MYO15A: variants seen among roughly 807,000 people sequenced by gnomAD.
MYO15A encodes the protein myosin XVA, also known as unconventional myosin-XV.
In MYO15A, 308 loss-of-function variants were observed where a neutral mutation model predicts 394.6. The observed-to-expected ratio is 0.78, with a 90% confidence interval of 0.71 to 0.86. The LOEUF is 0.86. Ranked by LOEUF, MYO15A falls within the 40% of genes least tolerant of loss-of-function variation. The pLI is 0.00. For missense variants in MYO15A, 4,606 were observed against 4,799.1 expected, an observed-to-expected ratio of 0.96 and a Z score of 1.19; for synonymous variants, 1,957 against 2,003.8, an observed-to-expected ratio of 0.98 and a Z score of 0.62.
intron 1 of MYO15A, among the ~76,000 whole-genome samples, chr17:18,111,686 T>A (rs1172786599): frequency 6.6e-6 from 1 of 152,206 alleles, no homozygotes; most frequent in East Asian, 1.9e-4. Context: ...TGGGCAGGAC[T>A]TGCTGCCAGC....
At chr17:18,159,893 C>G (rs1249836779) in intron 55 of MYO15A, 42 bp from the exon 56 acceptor site, 6 of 1,603,164 alleles carry the variant, frequency 3.7e-6, no homozygotes, top group Admixed American at 3.4e-5. Context: ...TGACATAGCC[C>G]CTCACATGTC....
chr17:18,164,309 C>T (rs2046818785), intron 60 of MYO15A: 1 of 233,604 alleles, frequency 4.3e-6, no homozygotes, highest in African/African-American at 2.3e-5. Flanking sequence ...TCATGCATCC[C>T]AAAGCCCCTT....
Position 18,120,965 on chromosome 17 carries a change from T to C in MYO15A, c.2165T>C (p.Val722Ala). The stretch of plus-strand genomic sequence containing the variant: ...CCGCAGGCCAGCTGGTGGGCCTTCG[T>C]GGAGCCCCCTGCCGTGAGCCCGGAG... ...PAPQASWWAF[V>A]EPPAVSPEVP... Residue 722 changes from valine (V) to alanine (A), a missense_variant, in exon 2 of 66, where the codon GTG (valine) becomes GCG (alanine). This residue lies in a region of MYO15A where 1,830 missense variants were observed against 1,689.7 expected (regional missense o/e 1.08). Transcript: ENST00000647165. The C allele has an allele frequency of 6.7e-7, 1 of 1,487,074 alleles. No individual in the cohort carries two copies. Among genetic ancestry groups the C allele is most frequent in the Admixed American group, 2.2e-5 (1 of 45,610 alleles). The allele number at this position is 1,487,074 out of a possible 1,614,324, so 92.1% of individuals were successfully genotyped here.
rs200780438 is a variant in MYO15A at position 18,121,927 on chromosome 17, G to A, written c.3127G>A (p.Asp1043Asn). 69 of 1,613,116 alleles carry A rather than the reference G, an allele frequency of 4.3e-5. No homozygotes were observed. Among genetic ancestry groups the A allele is most frequent in the Non-Finnish European group, 5.6e-5 (66 of 1,179,888 alleles). The change falls in exon 2 of 66, where the codon GAT becomes AAT. Residue 1043 changes from aspartate (D) to asparagine (N), a missense_variant. Asp to Asn is a conservative substitution (Grantham distance 23). Around this residue, in one of 2 missense-constraint regions of MYO15A, gnomAD observed 1,830 missense variants for 1,689.7 expected, o/e 1.08. Coordinates refer to ENST00000647165, the MANE Select transcript of MYO15A (RefSeq NM_016239.4). The surrounding 1 kb of genome is among the most constrained non-coding windows in gnomAD (Gnocchi z 5.3). ...TCCCAAGGATGTCACTCCCCCCAAGGATATCACTCCCCCCAAGGATGTCCT... is the reference window on the plus strand; with the variant it reads ...TCCCAAGGATGTCACTCCCCCCAAGAATATCACTCCCCCCAAGGATGTCCT... ...APPKDVTPPKDITPPKDVLPE... is the reference protein window; with the variant it reads ...APPKDVTPPKNITPPKDVLPE...
chr17:18,138,096 T>C lies in MYO15A; in HGVS notation c.4876-19T>C, dbSNP rs780331803. On this transcript the variant is annotated intron_variant, in intron 16 of 65. Coordinates refer to ENST00000647165, the MANE Select transcript of MYO15A (RefSeq NM_016239.4). ...GGACAGGGATGGGAGGTTGAGCTCC[T>C]GCTGCCCACTGCCTGCAGGAGGAGT... 6 of 1,607,068 alleles carry C rather than the reference T, an allele frequency of 3.7e-6. No homozygotes were observed. The highest frequency in any genetic ancestry group is 5.1e-6 in the Non-Finnish European group (6 of 1,179,982).
chr17:18,112,976 T>C (rs962579523), intron 1 of MYO15A, among the ~76,000 whole-genome samples: 1 of 152,026 alleles, frequency 6.6e-6, no homozygotes, highest in African/African-American at 2.4e-5. Flanking sequence ...GCCTCCCAAG[T>C]AGCTAGGACT....
At chr17:18,173,452 T>G in intron 64 of MYO15A, 2 of 360,906 alleles carry the variant, frequency 5.5e-6, no homozygotes, top group South Asian at 2.5e-5. Context: ...AAAAAAGAGG[T>G]GGAGGTGTTC....
Position 18,121,405 on chromosome 17 carries a change from C to A in MYO15A, c.2605C>A (p.Pro869Thr), listed in dbSNP as rs1056944837. ...RSSLNLPSRL[P>T]HTWRRLSEPP... Reference sequence around the variant, plus strand: ...CTCCCTGAATCTGCCCTCGCGCCTCCCGCACACGTGGCGGCGCCTCAGCGA... The same window carrying A: ...CTCCCTGAATCTGCCCTCGCGCCTCACGCACACGTGGCGGCGCCTCAGCGA... Residue 869 changes from proline (P) to threonine (T), a missense_variant, in exon 2 of 66, where the codon CCG becomes ACG. By Grantham distance (38) the Pro-to-Thr change is conservative. Transcript: ENST00000647165. This position sits in a 1 kb window ranked among gnomAD's most constrained non-coding sequence, Gnocchi z 5.3. The A allele has an allele frequency of 6.5e-7, 1 of 1,539,370 alleles. No homozygotes were observed.
intron 7 of MYO15A, among the ~76,000 whole-genome samples, chr17:18,128,285 G>A (rs2046089995): frequency 6.6e-6 from 1 of 152,124 alleles, no homozygotes; most frequent in African/African-American, 2.4e-5. Flanking sequence ...GGAGGTGATG[G>A]ATGCACCACC....
rs1483854345 is a variant in MYO15A, at chr17:18,117,384, T to A, written c.-219-1198T>A. ...TGTCCCTGTTTCACAGCTGAGCACGTTGAGGCTCTGAAGCCACTGATCTGA... is the reference window on the plus strand; with the variant it reads ...TGTCCCTGTTTCACAGCTGAGCACGATGAGGCTCTGAAGCCACTGATCTGA... On this transcript the variant is annotated intron_variant, in intron 1 of 65. Coordinates refer to ENST00000647165, the MANE Select transcript of MYO15A (RefSeq NM_016239.4). The surrounding 1 kb of genome is among the most constrained non-coding windows in gnomAD (Gnocchi z 4.1). Among the ~76,000 whole-genome samples the A allele has an allele frequency of 6.6e-6, 1 of 152,244 alleles. No individual in the cohort carries two copies. The highest frequency in any genetic ancestry group is 1.5e-5 in the Non-Finnish European group (1 of 68,038).
chr17:18,159,553 G>A, intron 54 of MYO15A, 53 bp from the exon 55 acceptor site: 1 of 1,599,018 alleles, frequency 6.3e-7, no homozygotes, highest in East Asian at 2.2e-5. Flanking sequence ...TTCCTGGGGT[G>A]GGTGGGCAAC....
At chr17:18,127,832 A>AAG (rs1555541552) in intron 7 of MYO15A, among the ~76,000 whole-genome samples, 5 of 40,580 alleles carry the variant, frequency 1.2e-4, no homozygotes, top group African/African-American at 3.7e-4. Flanking sequence ...AAGAAAAAAA[A>AAG]AGATATATAT....
At chr17:18,162,715 G>A (rs1230452809) in intron 58 of MYO15A, 36 bp downstream of exon 58, 1 of 1,605,096 alleles carries the variant, frequency 6.2e-7, no homozygotes. Context: ...AAAATGAATG[G>A]GAGGCTGGGC....
In MYO15A at chr17:18,172,467, G is replaced by A. The variant is rs529174400; in HGVS notation, c.10350+177G>A. 9.1e-5 allele frequency: 92 copies of A among 1,014,096 alleles called. 1 individual carries two copies. In the South Asian group the frequency reaches 1.2e-3, roughly 14 times the overall value. The allele number at this position is 1,014,096 out of a possible 1,614,324, so 62.8% of individuals were successfully genotyped here. A position where few individuals can be genotyped will look rare whatever the true frequency, so the allele number is the denominator to read the frequency against. ...TTGCTTTCCTCATCTGGAAAATGAGGATAAGAGTTGAGCCCCACCCATAGG... is the reference window on the plus strand; with the variant it reads ...TTGCTTTCCTCATCTGGAAAATGAGAATAAGAGTTGAGCCCCACCCATAGG... On this transcript the variant is annotated intron_variant, in intron 64 of 65. Transcript: ENST00000647165.
At chr17:18,141,374 G>A (rs759905897) in intron 22 of MYO15A, among the ~76,000 whole-genome samples, 5 of 152,242 alleles carry the variant, frequency 3.3e-5, no homozygotes, top group African/African-American at 7.2e-5. Flanking sequence ...AACGCTCCGC[G>A]TTATTAGAAT....
At position 18,151,194 on chromosome 17, in the gene MYO15A, C is replaced by A; in HGVS notation, c.7558C>A (p.Pro2520Thr). Residue 2520 changes from proline to threonine, a missense_variant, in exon 39 of 66, where the codon CCC becomes ACC. Physicochemically the swap from Pro to Thr is conservative, Grantham distance 38. Around this residue, in one of 2 missense-constraint regions of MYO15A, gnomAD observed 2,776 missense variants for 3,109.3 expected, o/e 0.89. Transcript: ENST00000647165. The part of the protein sequence containing the change: ...KPVLLRATPK[P>T]LAPAPLAKAP... Reference sequence around the variant, plus strand: ...CGTGCTCCTGCGTGCCACTCCAAAGCCCTTGGCCCCAGCCCCTCTGGCCAA... The same window carrying A: ...CGTGCTCCTGCGTGCCACTCCAAAGACCTTGGCCCCAGCCCCTCTGGCCAA... 3 of 1,614,116 alleles carry A rather than the reference C, an allele frequency of 1.9e-6. No homozygotes were observed. The highest frequency in any genetic ancestry group is 2.5e-6 in the Non-Finnish European group (3 of 1,180,028).
chr17:18,126,948 T>C, intron 6 of MYO15A, 83 bp downstream of exon 6: 1 of 1,596,806 alleles, frequency 6.3e-7, no homozygotes, highest in South Asian at 1.1e-5. Flanking sequence ...CTGTGGGACC[T>C]TGGAAGATTG....
Position 18,138,108 on chromosome 17 carries a change from C to T in MYO15A, c.4876-7C>T. The T allele has an allele frequency of 6.2e-7, 1 of 1,609,634 alleles. No homozygotes were observed. ...GAGGTTGAGCTCCTGCTGCCCACTG[C>T]CTGCAGGAGGAGTACATCCGTGAGC... On this transcript the variant is annotated splice_region_variant and splice_polypyrimidine_tract_variant and intron_variant, in intron 16 of 65. Transcript: ENST00000647165.
intron 1 of MYO15A, among the ~76,000 whole-genome samples, chr17:18,113,835 C>CACACACACAA (rs1340766492): frequency 6.8e-4 from 91 of 133,848 alleles, no homozygotes; most frequent in African/African-American, 2.3e-3. Flanking sequence ...CACACACACA[C>CACACACACAA]ACACACTCTT....
Sources: allele counts gnomAD v4.1 joint callset (sites outside exome capture counted in the v4.1 genomes callset), GRCh38; gene constraint gnomAD v4.1.1; regional missense constraint gnomAD v4.1.1; non-coding constraint Gnocchi (gnomAD v3.1); transcripts MANE v1.5; gene names NCBI Gene and HGNC (gene_info 2026-07-23, HGNC 2026-07-21).